The following NBAS variants were observed in gnomAD, a reference collection of about 807,000 sequenced individuals.
NBAS encodes NAG/BC035112 fusion.
Under a neutral mutation model 302.5 loss-of-function variants are expected in NBAS, and 219 were observed. The observed-to-expected ratio is 0.72, with a 90% CI of 0.65 to 0.81. NBAS has a LOEUF of 0.81. Among genes scored for constraint, NBAS ranks in the 30% least tolerant of loss-of-function variants. NBAS has a pLI of 0.00. For synonymous variants in NBAS, 1,118 were observed against 1,021.6 expected (o/e 1.09, Z -1.80); for missense variants, 2,932 against 2,841.6 (o/e 1.03, Z -0.72).
At chr2:15,528,459 AT>A (rs1663036239) in intron 9 of NBAS, among the ~76,000 whole-genome samples, 1 of 146,972 alleles carries the variant, frequency 6.8e-6, no homozygotes, top group Non-Finnish European at 1.5e-5. Context: ...TATGAAATAT[AT>A]TTTTATATAT....
chr2:15,182,758 C>T (rs140449540), intron 50 of NBAS, among the ~76,000 whole-genome samples: 29 of 152,316 alleles, frequency 1.9e-4, no homozygotes, highest in Middle Eastern at 6.8e-3. Flanking sequence ...ACTTTTGAGA[C>T]TGTGGTACAC....
At chr2:14,781,468 T>A in the NBAS span, among the ~76,000 whole-genome samples, 1 of 150,312 alleles carries the variant, frequency 6.7e-6, no homozygotes, top group East Asian at 2.0e-4. Context: ...AAAAAAAAAA[T>A]CTACAGGAAA....
At chr2:14,849,986 G>A in the NBAS span, among the ~76,000 whole-genome samples, 1 of 139,374 alleles carries the variant, frequency 7.2e-6, no homozygotes, top group Non-Finnish European at 1.5e-5. Flanking sequence ...ATGCCAAAAT[G>A]TAGACAATCG....
chr2:15,293,309 A>C (rs1268380200), intron 40 of NBAS, among the ~76,000 whole-genome samples: 2 of 152,190 alleles, frequency 1.3e-5, no homozygotes, highest in East Asian at 3.8e-4. Flanking sequence ...CTGAAATCAT[A>C]AATAGTGCAA....
intron 48 of NBAS, among the ~76,000 whole-genome samples, chr2:15,198,684 G>C (rs1443223126): frequency 6.6e-6 from 1 of 152,144 alleles, no homozygotes; most frequent in East Asian, 1.9e-4. Context: ...AATCCTAGTG[G>C]TCAGCAGGGA....
chr2:15,122,189 ATTTATAAAGAAAAGAGG>A, the NBAS span, among the ~76,000 whole-genome samples: 2 of 151,926 alleles, frequency 1.3e-5, no homozygotes, highest in African/African-American at 4.8e-5. Flanking sequence ...AGGCTGGATA[ATTTATAAAGAAAAGAGG>A]TTTAATTGGC....
At chr2:15,353,830 A>G in intron 33 of NBAS, 120 bp from the exon 34 acceptor site, 2 of 1,149,878 alleles carry the variant, frequency 1.7e-6, no homozygotes, top group East Asian at 4.7e-5. Context: ...CATAGTCATT[A>G]GTGACACATT....
At position 15,275,500 on chromosome 2, in the gene NBAS, G is replaced by C; in HGVS notation, c.5708C>G (p.Pro1903Arg). 1 of 1,614,106 alleles carries C rather than the reference G, an allele frequency of 6.2e-7. No homozygotes were observed. Among genetic ancestry groups the C allele is most frequent in the Non-Finnish European group, 8.5e-7 (1 of 1,180,002 alleles). Residue 1903 changes from proline to arginine, a missense_variant, in exon 44 of 52, where the codon CCA becomes CGA. Pro to Arg is a moderately radical substitution (Grantham distance 103, BLOSUM62 -2). Coordinates refer to ENST00000281513, the MANE Select transcript of NBAS (RefSeq NM_015909.4). ...ITVVDAVTFS[P>R]KAVTKLSVEA... ...TTTGTTTACCTTGGTCACAGCTTTT[G>C]GAGAAAATGTAACTGCATCTACCAC...
chr2:15,330,314 C>T (rs1479952587), intron 36 of NBAS, among the ~76,000 whole-genome samples: 3 of 152,146 alleles, frequency 2.0e-5, no homozygotes, highest in African/African-American at 7.2e-5. Context: ...ATAGCAAAAG[C>T]AAGTAAGCAT....
At chr2:15,419,099 A>G (rs1677083785) in intron 23 of NBAS, among the ~76,000 whole-genome samples, 1 of 152,202 alleles carries the variant, frequency 6.6e-6, no homozygotes, top group South Asian at 2.1e-4. Context: ...ATTAGTTCAC[A>G]CACTTATTCA....
At chr2:15,511,486 T>A (rs1294522875) in intron 9 of NBAS, 136 bp from the exon 10 acceptor site, 2 of 774,238 alleles carry the variant, frequency 2.6e-6, no homozygotes, top group Non-Finnish European at 4.2e-6. Flanking sequence ...AGAAGGTAAA[T>A]ATTTCAGAGG....
chr2:15,402,037 TTTTA>T, intron 26 of NBAS, 127 bp downstream of exon 26: 1 of 974,656 alleles, frequency 1.0e-6, no homozygotes, highest in Admixed American at 1.8e-5. Context: ...TTGCAGATAA[TTTTA>T]TTTTCTTCCT....
At chr2:15,021,343 T>C in the NBAS span, among the ~76,000 whole-genome samples, 1 of 152,016 alleles carries the variant, frequency 6.6e-6, no homozygotes, top group Non-Finnish European at 1.5e-5. Context: ...TAACCTGTGA[T>C]AAGTGCACTA....
intron 28 of NBAS, among the ~76,000 whole-genome samples, chr2:15,391,855 A>G (rs958515074): frequency 1.3e-5 from 2 of 151,706 alleles, no homozygotes; most frequent in Non-Finnish European, 2.9e-5. Context: ...GAGACAGTGG[A>G]GCAATTTCTG....
intron 40 of NBAS, among the ~76,000 whole-genome samples, chr2:15,307,491 T>G (rs888107961): frequency 2.0e-5 from 3 of 152,234 alleles, no homozygotes; most frequent in Non-Finnish European, 4.4e-5. Flanking sequence ...CTTGGATTTA[T>G]GTACACAGTG....
the NBAS span, among the ~76,000 whole-genome samples, chr2:14,886,052 A>T: frequency 3.3e-5 from 5 of 152,170 alleles, no homozygotes; most frequent in South Asian, 2.1e-4. Context: ...CAGATCAAGT[A>T]ACCCAGCCCA....
chr2:14,815,023 T>C, the NBAS span, among the ~76,000 whole-genome samples: 3 of 152,210 alleles, frequency 2.0e-5, no homozygotes, highest in Non-Finnish European at 4.4e-5. Context: ...TGTGAAGACA[T>C]GCTTGCTTTC....
intron 9 of NBAS, among the ~76,000 whole-genome samples, chr2:15,529,296 G>A (rs1195123048): frequency 6.6e-6 from 1 of 151,988 alleles, no homozygotes; most frequent in East Asian, 1.9e-4. Flanking sequence ...GCTCAGGAAT[G>A]CAAGATCAGC....
intron 5 of NBAS, among the ~76,000 whole-genome samples, chr2:15,552,731 T>C (rs1004163139): frequency 1.3e-5 from 2 of 152,008 alleles, no homozygotes; most frequent in Non-Finnish European, 2.9e-5. Flanking sequence ...ATACGTAACC[T>C]AGGTCATTTG....
Sources: gnomAD v4.1 joint callset for allele counts (sites outside exome capture counted in the v4.1 genomes callset) on GRCh38, gnomAD v4.1.1 for gene constraint, MANE v1.5 for transcripts, NCBI Gene and HGNC (gene_info 2026-07-23, HGNC 2026-07-21) for gene names.